TG: variants seen among roughly 807,000 people sequenced by gnomAD.
TG encodes the protein thyroglobulin, also known as thyroid hormones.
Under a neutral mutation model 324.7 loss-of-function variants are expected in TG, and 270 were observed. That is an observed-to-expected ratio of 0.83 (90% CI 0.75 to 0.92). TG has a LOEUF of 0.92. Among genes scored for constraint, TG ranks in the 40% least tolerant of loss-of-function variants. The pLI is 0.00. For missense variants in TG, 3,591 were observed against 3,456.4 expected, an observed-to-expected ratio of 1.04 and a Z score of -0.98; for synonymous variants, 1,401 against 1,327.0, an observed-to-expected ratio of 1.06 and a Z score of -1.21.
intron 16 of TG, among the ~76,000 whole-genome samples, chr8:132,904,125 C>T (rs577801641): frequency 2.6e-5 from 4 of 152,282 alleles, no homozygotes; most frequent in Non-Finnish European, 4.4e-5. Flanking sequence ...GTTAAGCTCT[C>T]TAGGCTTCAG....
chr8:133,047,614 G>A (rs1226330764), intron 41 of TG: 12 of 575,332 alleles, frequency 2.1e-5, no homozygotes, highest in East Asian at 1.5e-4. Context: ...GGCCAGGCCC[G>A]TGGCAGTGCC....
intron 16 of TG, among the ~76,000 whole-genome samples, chr8:132,901,790 C>T (rs1252521453): frequency 1.3e-5 from 2 of 152,160 alleles, no homozygotes; most frequent in Non-Finnish European, 2.9e-5. Context: ...AGAACTGACA[C>T]CTTAAGAAGC....
intron 43 of TG, among the ~76,000 whole-genome samples, chr8:133,107,085 G>T (rs899161964): frequency 1.3e-5 from 2 of 152,296 alleles, no homozygotes; most frequent in African/African-American, 4.8e-5. Flanking sequence ...CCATGTGTCA[G>T]CCTCTTTATA....
intron 41 of TG, among the ~76,000 whole-genome samples, chr8:133,030,264 T>C (rs770308330): frequency 1.7e-4 from 26 of 152,216 alleles, no homozygotes; most frequent in African/African-American, 4.3e-4. Flanking sequence ...AGTGTTTCTA[T>C]TTCCTGAGAG....
rs878977810 is a variant in TG at position 132,882,738 on chromosome 8, A to G, written c.890-76A>G. 3.7e-6 allele frequency: 6 copies of G among 1,611,954 alleles called. 1 individual carries two copies. The South Asian group carries it at 6.6e-5, about 18-fold the overall frequency. ...GGCAGAGATGAAAAGAATCGTTAAG[A>G]GCAAACAGCAGTGCATGCTGTGAAG... On this transcript the variant is annotated intron_variant, in intron 7 of 47. Coordinates refer to ENST00000220616, the MANE Select transcript of TG (RefSeq NM_003235.5).
chr8:132,959,842 G>A (rs1390221152), intron 27 of TG, among the ~76,000 whole-genome samples: 1 of 152,234 alleles, frequency 6.6e-6, no homozygotes, highest in African/African-American at 2.4e-5. Context: ...ACCTTTTGTT[G>A]TTGTTGTTCT....
chr8:133,102,826 A>C, intron 43 of TG: 1 of 434,368 alleles, frequency 2.3e-6, no homozygotes, highest in Non-Finnish European at 4.3e-6. Context: ...AAAATCAGAA[A>C]CAGAGCGCCT....
At chr8:132,903,738 G>T (rs1818266754) in intron 16 of TG, among the ~76,000 whole-genome samples, 1 of 152,216 alleles carries the variant, frequency 6.6e-6, no homozygotes, top group Admixed American at 6.5e-5. Flanking sequence ...CTGTGATGGA[G>T]AGGCAGGCGG....
intron 39 of TG, 131 bp from the exon 40 acceptor site, chr8:133,021,860 C>A: frequency 1.9e-6 from 2 of 1,077,168 alleles, no homozygotes; most frequent in Non-Finnish European, 2.8e-6. Flanking sequence ...GACACAGCTC[C>A]ATCCACTGCA....
intron 25 of TG, among the ~76,000 whole-genome samples, 194 bp downstream of exon 25, chr8:132,936,058 C>T (rs977551848): frequency 6.6e-6 from 1 of 152,236 alleles, no homozygotes; most frequent in African/African-American, 2.4e-5. Context: ...GCACTGATCT[C>T]CCCTGGGACT....
intron 18 of TG, among the ~76,000 whole-genome samples, chr8:132,909,389 A>G (rs1819180098): frequency 6.6e-6 from 1 of 152,248 alleles, no homozygotes; most frequent in South Asian, 2.1e-4. Flanking sequence ...TGTTTCAAAC[A>G]TGGGGAAATT....
intron 41 of TG, among the ~76,000 whole-genome samples, chr8:133,054,028 C>T (rs1840905142): frequency 6.6e-6 from 1 of 152,130 alleles, no homozygotes; most frequent in Non-Finnish European, 1.5e-5. Flanking sequence ...TTCTGTGGGG[C>T]AGGGTGGCCA....
At chr8:133,015,312 A>T (rs568147226) in intron 37 of TG, among the ~76,000 whole-genome samples, 1 of 152,332 alleles carries the variant, frequency 6.6e-6, no homozygotes, top group South Asian at 2.1e-4. Context: ...CTTCCAAAAG[A>T]TGTGTGCACA....
chr8:133,075,878 T>C (rs963363228), intron 41 of TG: 1 of 152,170 alleles, frequency 6.6e-6, no homozygotes, highest in Non-Finnish European at 1.5e-5. Flanking sequence ...TAGGTGTGCA[T>C]TGTTCTACTC....
intron 43 of TG, among the ~76,000 whole-genome samples, chr8:133,101,632 A>G (rs897615558): frequency 1.8e-4 from 28 of 152,224 alleles, no homozygotes; most frequent in African/African-American, 6.3e-4. Flanking sequence ...TTGTAACACC[A>G]ACACCTGTTT....
intron 27 of TG, among the ~76,000 whole-genome samples, chr8:132,951,543 T>G (rs1826098985): frequency 6.6e-6 from 1 of 152,232 alleles, no homozygotes; most frequent in Non-Finnish European, 1.5e-5. Context: ...AAATGAGGAC[T>G]GTGCCCTTGT....
chr8:132,888,520 G>A lies in TG; in HGVS notation c.2713G>A (p.Gly905Ser), dbSNP rs1330863934. ...GAACTGCTGGTGTGTGGATGAGGCT[G>A]GCCAAGAACTGGAAGGAATGCGGTC... ...LRNCWCVDEA[G>S]QELEGMRSEP... The change falls in exon 10 of 48, where the codon GGC (glycine) becomes AGC (serine). Residue 905 changes from glycine (G) to serine (S), a missense_variant. Transcript: ENST00000220616. 6.2e-7 allele frequency: 1 copy of A among 1,611,534 alleles called. No individual in the cohort carries two copies. Among genetic ancestry groups the A allele is most frequent in the East Asian group, 2.2e-5 (1 of 44,882 alleles).
intron 27 of TG, among the ~76,000 whole-genome samples, chr8:132,955,198 A>T (rs762087156): frequency 2.6e-5 from 4 of 152,062 alleles, no homozygotes; most frequent in African/African-American, 9.7e-5. Flanking sequence ...CTTTCCCCCC[A>T]CAAGTCACTA....
intron 35 of TG, among the ~76,000 whole-genome samples, chr8:132,992,727 C>T (rs987315172): frequency 6.6e-6 from 1 of 152,106 alleles, no homozygotes; most frequent in African/African-American, 2.4e-5. Context: ...AAGACCACAC[C>T]TCTATAGGGT....
Sources: gnomAD v4.1 joint callset for allele counts (sites outside exome capture counted in the v4.1 genomes callset) on GRCh38, gnomAD v4.1.1 for gene constraint, MANE v1.5 for transcripts, NCBI Gene and HGNC (gene_info 2026-07-23, HGNC 2026-07-21) for gene names.